The following FGD4 variants were observed in gnomAD, a reference collection of about 807,000 sequenced individuals.
FGD4 encodes the protein FYVE, RhoGEF and PH domain containing 4, also known as FYVE, RhoGEF and PH domain-containing protein 4.
In FGD4, 42 loss-of-function variants were observed where a neutral mutation model predicts 102.0. That is an observed-to-expected ratio of 0.41 (90% CI 0.32 to 0.53). FGD4 has a LOEUF of 0.53. Ranked by LOEUF, FGD4 falls within the 20% of genes least tolerant of loss-of-function variation. FGD4 has a pLI of 0.21. For missense variants in FGD4, 902 were observed against 1,078.2 expected (o/e 0.84, Z 2.29); for synonymous variants, 380 against 375.7 (o/e 1.01, Z -0.13).
intron 1 of FGD4, among the ~76,000 whole-genome samples, chr12:32,410,217 A>G (rs1249998295): frequency 1.3e-5 from 2 of 151,874 alleles, no homozygotes; most frequent in Non-Finnish European, 2.9e-5. Flanking sequence ...AGTCCCAGCT[A>G]CTCGGGAGGC....
intron 1 of FGD4, among the ~76,000 whole-genome samples, chr12:32,537,058 G>C (rs1021715297): frequency 1.3e-5 from 2 of 151,634 alleles, no homozygotes; most frequent in African/African-American, 4.8e-5. Context: ...ACAGGCACCC[G>C]CCACCATGCC....
chr12:32,434,422 T>G (rs1195327188), intron 1 of FGD4, among the ~76,000 whole-genome samples: 1 of 152,236 alleles, frequency 6.6e-6, no homozygotes, highest in Non-Finnish European at 1.5e-5. Context: ...TTTTTACAGC[T>G]AGAATATTGA....
At chr12:32,427,920 T>C (rs1941903975) in intron 1 of FGD4, among the ~76,000 whole-genome samples, 1 of 152,230 alleles carries the variant, frequency 6.6e-6, no homozygotes, top group Admixed American at 6.5e-5. Flanking sequence ...CCTTGATAAA[T>C]ATTCCTGCAT....
chr12:32,445,061 T>C (rs966975831), intron 1 of FGD4, among the ~76,000 whole-genome samples: 7 of 152,210 alleles, frequency 4.6e-5, no homozygotes, highest in South Asian at 2.1e-4. Flanking sequence ...TGGAGACTTT[T>C]GGGTGTGTGC....
intron 1 of FGD4, among the ~76,000 whole-genome samples, chr12:32,406,188 C>T (rs1439978280): frequency 6.6e-6 from 1 of 152,012 alleles, no homozygotes; most frequent in East Asian, 2.0e-4. Flanking sequence ...GTGATCCGCC[C>T]GCCTCAGCCT....
At chr12:32,579,314 G>C (rs1220149012) in intron 3 of FGD4, among the ~76,000 whole-genome samples, 1 of 152,102 alleles carries the variant, frequency 6.6e-6, no homozygotes, top group East Asian at 1.9e-4. Context: ...AAAGTGCTGG[G>C]ATTACCGGCG....
intron 1 of FGD4, among the ~76,000 whole-genome samples, chr12:32,529,338 G>A (rs1941568001): frequency 6.6e-6 from 1 of 151,756 alleles, no homozygotes; most frequent in Non-Finnish European, 1.5e-5. Flanking sequence ...TGTTGGCCAC[G>A]ATGGTCTCGA....
chr12:32,555,186 C>A (rs1943988970), intron 1 of FGD4, among the ~76,000 whole-genome samples: 1 of 152,116 alleles, frequency 6.6e-6, no homozygotes, highest in Non-Finnish European at 1.5e-5. Context: ...AAAGTAGAGC[C>A]ACCAGGATTT....
chr12:32,611,294 T>C lies in FGD4; in HGVS notation c.1749+11T>C, dbSNP rs1195832498. On this transcript the variant is annotated intron_variant, in intron 10 of 16. Transcript: ENST00000534526. ...CGCTACCTTTTCTTAGTGAGTATTA[T>C]AGTGTTGGCAAGTCATATAAGAATT... 3 of 1,614,104 alleles carry C rather than the reference T, an allele frequency of 1.9e-6. No homozygotes were observed. Among genetic ancestry groups the C allele is most frequent in the Non-Finnish European group, 2.5e-6 (3 of 1,179,974 alleles).
chr12:32,505,577 A>G (rs1022416209), intron 1 of FGD4, among the ~76,000 whole-genome samples: 1 of 152,186 alleles, frequency 6.6e-6, no homozygotes, highest in Non-Finnish European at 1.5e-5. Flanking sequence ...GTTGATGTAG[A>G]TTGTTGGAAC....
chr12:32,546,814 G>T (rs1035158250), intron 1 of FGD4, among the ~76,000 whole-genome samples: 6 of 152,214 alleles, frequency 3.9e-5, no homozygotes, highest in Admixed American at 1.3e-4. Context: ...AAGAGGAAAA[G>T]AAGAAGGTCA....
intron 1 of FGD4, among the ~76,000 whole-genome samples, chr12:32,489,845 T>G (rs2136572150): frequency 6.6e-6 from 1 of 152,298 alleles, no homozygotes; most frequent in African/African-American, 2.4e-5. Flanking sequence ...TTAAAAACTT[T>G]TTTTGTCTTG....
chr12:32,414,390 G>A (rs1183418594), intron 1 of FGD4, among the ~76,000 whole-genome samples: 1 of 152,018 alleles, frequency 6.6e-6, no homozygotes, highest in Non-Finnish European at 1.5e-5. Flanking sequence ...TAATCACATC[G>A]TGGAAAATGG....
intron 1 of FGD4, among the ~76,000 whole-genome samples, chr12:32,541,767 T>A (rs111391523): frequency 6.6e-6 from 1 of 152,204 alleles, no homozygotes; most frequent in African/African-American, 2.4e-5. Flanking sequence ...GTTACATGTT[T>A]TTCTTAAAAT....
intron 2 of FGD4, 120 bp downstream of exon 2, chr12:32,564,409 A>G: frequency 8.0e-7 from 1 of 1,256,712 alleles, no homozygotes; most frequent in Non-Finnish European, 1.1e-6. Context: ...TGGGTACATT[A>G]TTTTTTAGAG....
intron 1 of FGD4, among the ~76,000 whole-genome samples, chr12:32,510,278 G>T (rs770694595): frequency 6.6e-6 from 1 of 152,180 alleles, no homozygotes; most frequent in African/African-American, 2.4e-5. Flanking sequence ...TCATGGGATT[G>T]TAAGTTATAC....
intron 4 of FGD4, among the ~76,000 whole-genome samples, chr12:32,593,435 G>T (rs949895512): frequency 6.6e-6 from 1 of 152,194 alleles, no homozygotes; most frequent in Admixed American, 6.5e-5. Flanking sequence ...TTATCCTTGT[G>T]TTGGCTTTGT....
At chr12:32,474,234 G>T (rs117626918) in intron 1 of FGD4, among the ~76,000 whole-genome samples, 5,743 of 152,204 alleles carry the variant, frequency 0.038, 157 homozygotes, top group South Asian at 0.11. Flanking sequence ...ATATGACCCA[G>T]CAATTCTGTA....
chr12:32,420,102 T>C (rs1941574197), intron 1 of FGD4, among the ~76,000 whole-genome samples: 1 of 152,126 alleles, frequency 6.6e-6, no homozygotes, highest in South Asian at 2.1e-4. Flanking sequence ...AATTTGATGT[T>C]CCTCCTGGGG....
Sources: allele counts gnomAD v4.1 joint callset (sites outside exome capture counted in the v4.1 genomes callset), GRCh38; gene constraint gnomAD v4.1.1; transcripts MANE v1.5; gene names NCBI Gene and HGNC (gene_info 2026-07-23, HGNC 2026-07-21).